PGAP4: variants seen among roughly 807,000 people sequenced by gnomAD.
The protein encoded by PGAP4 is GPI-N-acetylgalactosamine transferase PGAP4.
Under a neutral mutation model 28.2 loss-of-function variants are expected in PGAP4, and 12 were observed. The observed-to-expected ratio is 0.42, with a 90% confidence interval of 0.27 to 0.69. The LOEUF is 0.69. Ranked by LOEUF, PGAP4 falls within the 30% of genes least tolerant of loss-of-function variation. The probability of loss-of-function intolerance (pLI) is 0.22; values close to 1 mark genes in which losing one functional copy is unlikely to be tolerated. For missense variants in PGAP4, 425 were observed against 513.5 expected (o/e 0.83, Z 1.67); for synonymous variants, 205 against 211.8 (o/e 0.97, Z 0.28).
At chr9:101,501,828 T>A in intron 2 of PGAP4, 5 of 496,622 alleles carry the variant, frequency 1.0e-5, no homozygotes, top group Admixed American at 4.2e-5. Flanking sequence ...CCAGCTCCAG[T>A]AAATACAAAA....
chr9:101,481,203 C>CA (rs1172095771), intron 1 of PGAP4, among the ~76,000 whole-genome samples: 3 of 151,922 alleles, frequency 2.0e-5, no homozygotes, highest in African/African-American at 4.8e-5. Context: ...AACACACAAA[C>CA]AAAAAAAGAT....
chr9:101,522,078 G>A (rs945239504), intron 2 of PGAP4, among the ~76,000 whole-genome samples: 6 of 152,096 alleles, frequency 3.9e-5, no homozygotes, highest in Non-Finnish European at 2.9e-5. Context: ...CCAAGAGAGT[G>A]CTTGATATAA....
intron 2 of PGAP4, among the ~76,000 whole-genome samples, chr9:101,526,030 G>A (rs1175915574): frequency 6.6e-6 from 1 of 151,714 alleles, no homozygotes; most frequent in Non-Finnish European, 1.5e-5. Flanking sequence ...ACATAGTTTA[G>A]GCTTTTGGTA....
chr9:101,494,758 A>G (rs945026827), intron 2 of PGAP4, among the ~76,000 whole-genome samples: 5 of 151,792 alleles, frequency 3.3e-5, no homozygotes, highest in Admixed American at 6.6e-5. Context: ...ACAAGGACTC[A>G]GAATAGCCAT....
intron 2 of PGAP4, among the ~76,000 whole-genome samples, chr9:101,511,370 G>A (rs541787800): frequency 2.4e-4 from 37 of 152,128 alleles, no homozygotes; most frequent in Non-Finnish European, 3.8e-4. Context: ...GCCACAGACC[G>A]GTTAAGCAGG....
rs549851780 is a variant in PGAP4, at chr9:101,523,414, T to A, written c.-165+7934A>T. ...GCTTTGTTCATATTTTTCTTTTTTCTTTGTCTTTGTTGGATTGGGTTAATT... is the reference window on the plus strand; with the variant it reads ...GCTTTGTTCATATTTTTCTTTTTTCATTGTCTTTGTTGGATTGGGTTAATT... On this transcript the variant is annotated intron_variant, in intron 2 of 3. Transcript: ENST00000374851. Among the ~76,000 whole-genome samples, 12 of 151,984 alleles carry A rather than the reference T, an allele frequency of 7.9e-5. No homozygotes were observed. The South Asian group carries it at 2.3e-3, about 29-fold the overall frequency.
At chr9:101,523,025 TTTTG>T (rs1265863127) in intron 2 of PGAP4, among the ~76,000 whole-genome samples, 1 of 152,156 alleles carries the variant, frequency 6.6e-6, no homozygotes, top group African/African-American at 2.4e-5. Context: ...CTGTTAAGTG[TTTTG>T]TTTGAGGAGG....
At chr9:101,517,377 T>C (rs997886509) in intron 2 of PGAP4, among the ~76,000 whole-genome samples, 2 of 152,068 alleles carry the variant, frequency 1.3e-5, no homozygotes, top group Admixed American at 1.3e-4. Context: ...AATATATCTA[T>C]ATCACATAAA....
chr9:101,482,317 G>A (rs536280845), intron 1 of PGAP4, among the ~76,000 whole-genome samples: 46 of 152,222 alleles, frequency 3.0e-4, no homozygotes, highest in African/African-American at 9.9e-4. Context: ...GTGGTGGCAC[G>A]TGCCTGTAAT....
rs1827056076 is a variant in PGAP4 at position 101,528,539 on chromosome 9, TGCAA to T, written c.-165+2805_-165+2808del. Among the ~76,000 whole-genome samples, 11 of 152,312 alleles carry T rather than the reference TGCAA, an allele frequency of 7.2e-5. No individual in the cohort carries two copies. The South Asian group carries it at 2.3e-3, about 32-fold the overall frequency. On this transcript the variant is annotated intron_variant, in intron 2 of 3. Coordinates refer to the PGAP4 transcript ENST00000374851. ...CTGTACCCCCATCCCCAACGCCTGA[TGCAA>T]GCATTTCAGTGATGCTGTTCTTTCT...
At chr9:101,494,875 C>A (rs1826724497) in intron 2 of PGAP4, among the ~76,000 whole-genome samples, 1 of 150,910 alleles carries the variant, frequency 6.6e-6, no homozygotes, top group Non-Finnish European at 1.5e-5. Flanking sequence ...TACACCAGGA[C>A]CATTAGACTT....
chr9:101,504,209 GTTTTTTT>G (rs3081858), intron 2 of PGAP4, among the ~76,000 whole-genome samples: 289 of 22,708 alleles, frequency 0.013, 3 homozygotes, highest in East Asian at 0.049. Context: ...GTGTGTGTTT[GTTTTTTT>G]TTTTTTTTTT....
chr9:101,499,177 G>T (rs1826776580), intron 2 of PGAP4, among the ~76,000 whole-genome samples: 1 of 151,984 alleles, frequency 6.6e-6, no homozygotes, highest in South Asian at 2.1e-4. Context: ...TCTTATTAAA[G>T]TGGCCTTATT....
chr9:101,507,138 T>C (rs1826854812), intron 2 of PGAP4, among the ~76,000 whole-genome samples: 1 of 152,052 alleles, frequency 6.6e-6, no homozygotes, highest in Non-Finnish European at 1.5e-5. Flanking sequence ...TGAAGGCCCC[T>C]CCTATTCCTC....
Position 101,477,101 on chromosome 9 carries a change from CT to C in PGAP4, c.-10del. 9 of 1,553,608 alleles carry C rather than the reference CT, an allele frequency of 5.8e-6. No individual in the cohort carries two copies. The highest frequency in any genetic ancestry group is 7.8e-6 in the Non-Finnish European group (9 of 1,153,496). The stretch of plus-strand genomic sequence containing the variant: ...GAGGTTGAAGTGCTCATGAGGTCAA[CT>C]TTTGTTCATGTCTGGTCCCAAGAAA... On this transcript the variant is annotated 5_prime_UTR_variant, in exon 2 of 2. It removes the in-frame stop codon of an upstream open reading frame in the 5' UTR. Coordinates refer to ENST00000374848, the MANE Select transcript of PGAP4 (RefSeq NM_032342.3).
At chr9:101,531,709 G>T (rs1827091743) in intron 1 of PGAP4, 1 of 152,132 alleles carries the variant, frequency 6.6e-6, no homozygotes, top group Non-Finnish European at 1.5e-5. Context: ...TTTTCCCTAA[G>T]ACTTAATGGA....
At chr9:101,513,752 G>C (rs1268717956) in intron 2 of PGAP4, among the ~76,000 whole-genome samples, 2 of 152,116 alleles carry the variant, frequency 1.3e-5, no homozygotes. Context: ...ATGGAGACAG[G>C]GAAGTCTCAC....
At chr9:101,488,520 G>T (rs920527625), upstream of PGAP4, among the ~76,000 whole-genome samples, 1 of 152,160 alleles carries the variant, frequency 6.6e-6, no homozygotes, top group African/African-American at 2.4e-5. Flanking sequence ...TCATAGGTTT[G>T]TTGAGAGGTT....
chr9:101,524,726 A>C (rs1014100453), intron 2 of PGAP4, among the ~76,000 whole-genome samples: 6 of 152,314 alleles, frequency 3.9e-5, no homozygotes, highest in Non-Finnish European at 7.4e-5. Context: ...CTTCTTCCAC[A>C]AACAGACTTT....
Sources: gnomAD v4.1 joint callset for allele counts (sites outside exome capture counted in the v4.1 genomes callset) on GRCh38, gnomAD v4.1.1 for gene constraint, MANE v1.5 for transcripts, NCBI Gene and HGNC (gene_info 2026-07-23, HGNC 2026-07-21) for gene names.